The following TCF4 variants were observed in gnomAD, a reference collection of about 807,000 sequenced individuals.
TCF4 encodes transcription factor 4, also known as SL3-3 enhancer factor 2.
A neutral mutation model predicts 82.1 loss-of-function variants in TCF4; 3 were observed. The observed-to-expected ratio is 0.04, with a 90% confidence interval of 0.02 to 0.09. TCF4 has a LOEUF of 0.09. Ranked by LOEUF, TCF4 falls within the 10% of genes least tolerant of loss-of-function variation. TCF4 has a pLI of 1.00. For synonymous variants in TCF4, 276 were observed against 309.6 expected, an observed-to-expected ratio of 0.89 and a Z score of 1.14; for missense variants, 518 against 852.7, an observed-to-expected ratio of 0.61 and a Z score of 4.89.
intron 8 of TCF4, among the ~76,000 whole-genome samples, chr18:55,298,473 G>A (rs1020541173): frequency 1.3e-5 from 2 of 151,980 alleles, no homozygotes; most frequent in African/African-American, 4.8e-5. Flanking sequence ...TTTTTGCTAT[G>A]AGCCCCCAAT....
rs2097728392 is a variant in TCF4 at position 55,628,138 on chromosome 18, G to C, written c.286+3160C>G. ...TTTTAATGAGGATCATTTCAAGGCT[G>C]ACAACTACCTGGCTTCAGGACTTGG... On this transcript the variant is annotated intron_variant, in intron 2 of 20. Transcript: ENST00000398339. Among the ~76,000 whole-genome samples, 6 of 152,332 alleles carry C rather than the reference G, an allele frequency of 3.9e-5. No individual in the cohort carries two copies. The South Asian group carries it at 1.2e-3, about 32-fold the overall frequency.
At chr18:55,588,263 AG>A, upstream of TCF4, 1 of 843,504 alleles carries the variant, frequency 1.2e-6, no homozygotes, top group South Asian at 1.8e-5. Flanking sequence ...GACGGAGGGA[AG>A]GGGGGAGGGG....
chr18:55,260,060 T>A, intron 12 of TCF4, 33 bp from the exon 13 acceptor site: 1 of 1,473,022 alleles, frequency 6.8e-7, no homozygotes, highest in Non-Finnish European at 9.5e-7. Flanking sequence ...AAAAACACCC[T>A]CATTCATTAA....
chr18:55,330,037 G>A (rs531198999), intron 8 of TCF4, among the ~76,000 whole-genome samples: 114 of 152,240 alleles, frequency 7.5e-4, no homozygotes, highest in African/African-American at 2.7e-3. Context: ...GTCTGGACCT[G>A]TATCTACTTA....
chr18:55,375,113 G>T (rs1364840535), intron 6 of TCF4, among the ~76,000 whole-genome samples: 1 of 151,246 alleles, frequency 6.6e-6, no homozygotes, highest in African/African-American at 2.4e-5. Flanking sequence ...GGGATACAAG[G>T]AATTTAGCCA....
chr18:55,383,684 T>C (rs979438870), intron 6 of TCF4, among the ~76,000 whole-genome samples: 32 of 152,364 alleles, frequency 2.1e-4, no homozygotes, highest in African/African-American at 6.5e-4. Context: ...TCCACGTTAC[T>C]ACGGGGTTGG....
intron 6 of TCF4, among the ~76,000 whole-genome samples, chr18:55,356,033 G>A (rs1042486680): frequency 1.3e-5 from 2 of 152,036 alleles, no homozygotes; most frequent in Admixed American, 1.3e-4. Flanking sequence ...CTTTCTTCCC[G>A]TGTAAAAAGG....
At chr18:55,612,128 A>C (rs2097707668) in intron 2 of TCF4, among the ~76,000 whole-genome samples, 1 of 152,204 alleles carries the variant, frequency 6.6e-6, no homozygotes, top group Non-Finnish European at 1.5e-5. Flanking sequence ...GTATCTTATA[A>C]TACCACTTCT....
intron 3 of TCF4, among the ~76,000 whole-genome samples, chr18:55,566,635 C>T (rs571300479): frequency 9.2e-5 from 14 of 151,646 alleles, no homozygotes; most frequent in African/African-American, 3.1e-4. Context: ...GTTAGAGAAA[C>T]CTGAAGGGAG....
At chr18:55,625,606 C>T (rs1015018416) in intron 2 of TCF4, among the ~76,000 whole-genome samples, 2 of 152,002 alleles carry the variant, frequency 1.3e-5, no homozygotes, top group African/African-American at 4.8e-5. Context: ...GAAAGTTGTC[C>T]CACCGATGAG....
chr18:55,256,148 T>C (rs1000827722), intron 14 of TCF4, among the ~76,000 whole-genome samples: 2 of 152,210 alleles, frequency 1.3e-5, no homozygotes, highest in Non-Finnish European at 2.9e-5. Flanking sequence ...ATCATACATG[T>C]GCCTATCACA....
At chr18:55,563,084 C>T (rs1372613475) in intron 3 of TCF4, among the ~76,000 whole-genome samples, 8 of 151,658 alleles carry the variant, frequency 5.3e-5, no homozygotes, top group African/African-American at 2.4e-5. Flanking sequence ...TACAATAATA[C>T]AAAAATCAGC....
intron 6 of TCF4, among the ~76,000 whole-genome samples, chr18:55,397,438 A>T (rs2093566686): frequency 6.6e-6 from 1 of 152,172 alleles, no homozygotes; most frequent in Admixed American, 6.5e-5. Flanking sequence ...CATTCAAACA[A>T]ACCAACAAAA....
At chr18:55,418,003 ATGTGTGTG>A (rs201657057) in intron 5 of TCF4, among the ~76,000 whole-genome samples, 19,586 of 143,314 alleles carry the variant, frequency 0.14, 1,824 homozygotes, top group African/African-American at 0.27. Context: ...TCTTGAGCAA[ATGTGTGTG>A]TGTGTGTGTG....
At chr18:55,552,705 C>T (rs113220896) in intron 3 of TCF4, among the ~76,000 whole-genome samples, 4,685 of 152,342 alleles carry the variant, frequency 0.031, 93 homozygotes, top group Non-Finnish European at 0.046. Context: ...GTTCAATTGA[C>T]GTGTTCTGCC....
chr18:55,483,405 G>C (rs906274138), intron 3 of TCF4, among the ~76,000 whole-genome samples: 4 of 152,178 alleles, frequency 2.6e-5, no homozygotes, highest in Non-Finnish European at 5.9e-5. Flanking sequence ...TGCAAGTACA[G>C]ATTAAGATTC....
chr18:55,564,397 T>C (rs1213055830), intron 3 of TCF4, among the ~76,000 whole-genome samples: 1 of 152,228 alleles, frequency 6.6e-6, no homozygotes, highest in African/African-American at 2.4e-5. Flanking sequence ...CTGTGAAATA[T>C]GGATTCAACA....
At chr18:55,313,190 T>C (rs2073091555) in intron 8 of TCF4, among the ~76,000 whole-genome samples, 2 of 152,136 alleles carry the variant, frequency 1.3e-5, no homozygotes, top group South Asian at 4.1e-4. Flanking sequence ...CTGTGGAACA[T>C]GTTTAATTAT....
intron 3 of TCF4, among the ~76,000 whole-genome samples, chr18:55,584,337 A>C (rs924678981): frequency 2.0e-5 from 3 of 152,116 alleles, no homozygotes; most frequent in African/African-American, 7.2e-5. Flanking sequence ...TACTTGGCCT[A>C]ATGTACTGTT....
Sources: gnomAD v4.1 joint callset for allele counts (sites outside exome capture counted in the v4.1 genomes callset) on GRCh38, gnomAD v4.1.1 for gene constraint, MANE v1.5 for transcripts, NCBI Gene and HGNC (gene_info 2026-07-23, HGNC 2026-07-21) for gene names.